The following XRCC3 variants were observed in gnomAD, a reference collection of about 807,000 sequenced individuals.
The protein encoded by XRCC3 is DNA repair protein XRCC3.
Under a neutral mutation model 29.2 loss-of-function variants are expected in XRCC3, and 34 were observed. The observed-to-expected ratio is 1.16, with a 90% CI of 0.88 to 1.55. The LOEUF (loss-of-function observed/expected upper bound fraction) is 1.55, where lower values mean the gene tolerates loss of function less well. Ranked by LOEUF, XRCC3 falls within the 40% of genes most tolerant of loss-of-function variation. The pLI is 0.00. For missense variants in XRCC3, 463 were observed against 467.6 expected (o/e 0.99, Z 0.09); for synonymous variants, 223 against 211.3 (o/e 1.06, Z -0.48).
chr14:103,711,072 G>A lies in XRCC3; in HGVS notation c.16C>T (p.Leu6=), dbSNP rs2083610416. The A allele has an allele frequency of 1.2e-6, 2 of 1,614,158 alleles. No individual in the cohort carries two copies. The highest frequency in any genetic ancestry group is 1.7e-6 in the Non-Finnish European group (2 of 1,180,020). ...GCAATAATTCTGGGATTCAGGTCCA[G>A]TAGATCCAAATCCATTTTGTCGGTG... is the stretch of plus-strand genomic sequence containing the variant. The part of the protein sequence containing the change: MDLDL[L]DLNPRIIAAI... The change falls in exon 4 of 10, where the codon CTG becomes TTG. Residue 6 remains leucine (L), a synonymous_variant. Coordinates refer to ENST00000555055, the MANE Select transcript of XRCC3 (RefSeq NM_005432.4).
rs3212085 is a variant in XRCC3, at chr14:103,703,510, G to A, written c.407-183C>T. The A allele has an allele frequency of 3.8e-3, 2,655 of 694,528 alleles. 75 individuals are homozygous for A. The Admixed American group carries it at 0.049, about 13-fold the overall frequency. 43.0% of individuals were successfully genotyped at this position (694,528 alleles called of 1,614,324 possible). A position where few individuals can be genotyped will look rare whatever the true frequency, so the allele number is the denominator to read the frequency against. On this transcript the variant is annotated intron_variant, in intron 6 of 9. Coordinates refer to ENST00000555055, the MANE Select transcript of XRCC3 (RefSeq NM_005432.4). ...CACCCTCCCACTGGCAGCCACCTCC[G>A]GGGCCAGGTGACCCCTCAGGAGGAA...
chr14:103,703,339 G>A lies in XRCC3; in HGVS notation c.407-12C>T, dbSNP rs1271275394. The A allele has an allele frequency of 7.1e-6, 11 of 1,544,340 alleles. No individual in the cohort carries two copies. The Admixed American group carries it at 2.1e-4, about 30-fold the overall frequency. On this transcript the variant is annotated splice_polypyrimidine_tract_variant and intron_variant, in intron 6 of 9. Coordinates refer to ENST00000555055, the MANE Select transcript of XRCC3 (RefSeq NM_005432.4). The stretch of plus-strand genomic sequence containing the variant: ...GATGTAGACGGCTCCTGGGAAGCAA[G>A]AGTGCCTGATGTGCCCAGGGGACTC...
At position 103,708,602 on chromosome 14, in the gene XRCC3, A is replaced by T; in HGVS notation, c.113T>A (p.Leu38Gln). Reference sequence around the variant, plus strand: ...GACCTCGGGGCTGGAGAGGTTGGTCAGTCTCTTCAAGTCTGGTCCAGAAAA... The same window carrying T: ...GACCTCGGGGCTGGAGAGGTTGGTCTGTCTCTTCAAGTCTGGTCCAGAAAA... ...LHFSGPDLKR[L>Q]TNLSSPEVWH... The change falls in exon 5 of 10, where the codon CTG becomes CAG. Residue 38 changes from leucine to glutamine, a missense_variant. Physicochemically the swap from Leu to Gln is moderately radical, Grantham distance 113. Coordinates refer to ENST00000555055, the MANE Select transcript of XRCC3 (RefSeq NM_005432.4). 6.2e-7 allele frequency: 1 copy of T among 1,614,226 alleles called. No homozygotes were observed. Among genetic ancestry groups the T allele is most frequent in the Non-Finnish European group, 8.5e-7 (1 of 1,180,028 alleles).
At chr14:103,704,986 A>G (rs1419878158) in intron 6 of XRCC3, 2 of 152,180 alleles carry the variant, frequency 1.3e-5, no homozygotes, top group Non-Finnish European at 2.9e-5. Flanking sequence ...CGTGTCATGC[A>G]GCCTGTTTGT....
rs376249796 is a variant in XRCC3, at chr14:103,707,600, A to G, written c.194-385T>C. On this transcript the variant is annotated intron_variant, in intron 5 of 9. Transcript: ENST00000555055. The stretch of plus-strand genomic sequence containing the variant: ...GCCCTGGGGTGCTGAACAGTTCTCA[A>G]GCGGCTTTAATGGGCTCCCGCAGGC... 130 of 361,804 alleles carry G rather than the reference A, an allele frequency of 3.6e-4. 1 individual carries two copies. The highest frequency in any genetic ancestry group is 2.5e-3 in the African/African-American group (118 of 47,716). The allele number at this position is 361,804 out of a possible 1,614,324, so 22.4% of individuals were successfully genotyped here.
intron 5 of XRCC3, 200 bp from the exon 6 acceptor site, chr14:103,707,415 G>A: frequency 1.5e-6 from 1 of 663,764 alleles, no homozygotes; most frequent in Admixed American, 2.3e-5. Flanking sequence ...GAGATGCAGA[G>A]TCAGGGGGAG....
chr14:103,701,060 A>G (rs2083156930), intron 7 of XRCC3: 4 of 1,045,338 alleles, frequency 3.8e-6, no homozygotes, highest in Non-Finnish European at 5.7e-6. Flanking sequence ...CCTCGGCCCC[A>G]GGGAGGCTCA....
rs2083466799 is a variant in XRCC3 at position 103,707,225 on chromosome 14, A to G, written c.194-10T>C. 1 of 1,548,448 alleles carries G rather than the reference A, an allele frequency of 6.5e-7. No individual in the cohort carries two copies. The highest frequency in any genetic ancestry group is 8.7e-7 in the Non-Finnish European group (1 of 1,146,640). On this transcript the variant is annotated splice_polypyrimidine_tract_variant and intron_variant, in intron 5 of 9. Coordinates refer to ENST00000555055, the MANE Select transcript of XRCC3 (RefSeq NM_005432.4). ...TGGTGCAGCTGCAGTGCTAAAGGGC[A>G]GGGATAGTGTCAGGCCTGACTCTCC...
At position 103,699,032 on chromosome 14, in the gene XRCC3, G is replaced by A. The variant is rs1243842718; in HGVS notation, c.822-15C>T. The A allele has an allele frequency of 6.3e-7, 1 of 1,575,652 alleles. No individual in the cohort carries two copies. Among genetic ancestry groups the A allele is most frequent in the Non-Finnish European group, 8.6e-7 (1 of 1,160,388 alleles). On this transcript the variant is annotated splice_polypyrimidine_tract_variant and intron_variant, in intron 9 of 9. Coordinates refer to ENST00000555055, the MANE Select transcript of XRCC3 (RefSeq NM_005432.4). ...CGTCCCAGAACCTGAGAAACAGGAAGCAGGCAAGCTGGCGCTCAGGCTTGG... is the reference window on the plus strand; with the variant it reads ...CGTCCCAGAACCTGAGAAACAGGAAACAGGCAAGCTGGCGCTCAGGCTTGG...
chr14:103,699,428 G>T lies in XRCC3; in HGVS notation c.710C>A (p.Ser237Tyr), dbSNP rs2082913844. The change falls in exon 8 of 10, where the codon TCC (serine) becomes TAC (tyrosine). Residue 237 changes from serine (S) to tyrosine (Y), a missense_variant. Ser to Tyr is a moderately radical substitution (Grantham distance 144, BLOSUM62 -2). Transcript: ENST00000555055. ...CAGCTCACGCAGCGTGGCCCCCAGG[G>T]ACTGCAGATGCCTGGCCCTGGGGGC... ...ASAPRARHLQ[S>Y]LGATLRELSS... is the part of the protein sequence containing the mutation. 6.2e-7 allele frequency: 1 copy of T among 1,612,806 alleles called. No individual in the cohort carries two copies. The highest frequency in any genetic ancestry group is 1.1e-5 in the South Asian group (1 of 91,048).
At chr14:103,715,339 CT>C (rs1307499855) in intron 1 of XRCC3, 84 bp downstream of exon 1, 1 of 152,384 alleles carries the variant, frequency 6.6e-6, no homozygotes, top group African/African-American at 2.4e-5. Flanking sequence ...TGCCTCACCC[CT>C]CACGCCCGCT....
rs941614548 is a variant in XRCC3 at position 103,706,899 on chromosome 14, A to T, written c.406+104T>A. ...AGAAGGAGGGAGACGCAATGGTAGG[A>T]ACAGCGCAAGAGGCGGCCACTGCCC... On this transcript the variant is annotated intron_variant, in intron 6 of 9. Transcript: ENST00000555055. The T allele has an allele frequency of 3.9e-6, 5 of 1,267,608 alleles. No individual in the cohort carries two copies. The African/African-American group carries it at 5.9e-5, about 15-fold the overall frequency. 78.5% of individuals were successfully genotyped at this position (1,267,608 alleles called of 1,614,324 possible). A position where few individuals can be genotyped will look rare whatever the true frequency, so the allele number is the denominator to read the frequency against.
intron 6 of XRCC3, chr14:103,705,657 G>C (rs1450808937): frequency 6.5e-6 from 1 of 152,808 alleles, no homozygotes; most frequent in Non-Finnish European, 1.5e-5. Context: ...GCTGGACTGT[G>C]CTGTCATCCC....
intron 1 of XRCC3, chr14:103,714,003 C>T (rs546991686): frequency 6.6e-6 from 1 of 152,362 alleles, no homozygotes; most frequent in East Asian, 1.9e-4. Flanking sequence ...TCACGCTCTC[C>T]ACTGCTACCA....
At chr14:103,702,986 G>C in intron 7 of XRCC3, 187 bp downstream of exon 7, 1 of 862,808 alleles carries the variant, frequency 1.2e-6, no homozygotes, top group South Asian at 1.7e-5. Flanking sequence ...GTTCCTCTCA[G>C]TCACTCTCCA....
At chr14:103,710,955 G>A in intron 4 of XRCC3, 78 bp downstream of exon 4, 1 of 1,471,906 alleles carries the variant, frequency 6.8e-7, no homozygotes, top group Admixed American at 1.7e-5. Flanking sequence ...GGCTTAGCCA[G>A]CCAGCGTTTT....
rs1317879263 is a variant in XRCC3, at chr14:103,707,079, C to T, written c.330G>A (p.Ser110=). Residue 110 remains serine (S), a synonymous_variant, in exon 6 of 10, where the codon TCG becomes TCA. Coordinates refer to ENST00000555055, the MANE Select transcript of XRCC3 (RefSeq NM_005432.4). Reference sequence around the variant, plus strand: ...GCAGCGCCAGCTGGGTCTTCCCTGCCGAGCTGCGTCCGGCCAGCTCAGTGA... The same window carrying T: ...GCAGCGCCAGCTGGGTCTTCCCTGCTGAGCTGCGTCCGGCCAGCTCAGTGA... The part of the protein sequence containing the change: ...DGITELAGRS[S]AGKTQLALQL... 5.1e-6 allele frequency: 8 copies of T among 1,559,352 alleles called. No individual in the cohort carries two copies. The highest frequency in any genetic ancestry group is 2.7e-5 in the African/African-American group (2 of 73,518).
At position 103,699,492 on chromosome 14, in the gene XRCC3, C is replaced by T. The variant is rs771142980; in HGVS notation, c.646G>A (p.Ala216Thr). ...TCAAATTCACAGCGGAATGGGGCTGCCACCGAGTCGATGACCACCAGGCGA... is the reference window on the plus strand; with the variant it reads ...TCAAATTCACAGCGGAATGGGGCTGTCACCGAGTCGATGACCACCAGGCGA... Reference protein sequence around the residue: ...MARLVVIDSVAAPFRCEFDSQ... With the variant: ...MARLVVIDSVTAPFRCEFDSQ... Residue 216 changes from alanine (A) to threonine (T), a missense_variant, in exon 8 of 10, where the codon GCA (alanine) becomes ACA (threonine). Ala to Thr is a moderately conservative substitution (Grantham distance 58). Transcript: ENST00000555055. The T allele has an allele frequency of 1.2e-6, 2 of 1,612,860 alleles. No individual in the cohort carries two copies. The highest frequency in any genetic ancestry group is 1.7e-6 in the Non-Finnish European group (2 of 1,179,960).
intron 5 of XRCC3, chr14:103,707,460 C>T (rs2083475270): frequency 1.7e-6 from 1 of 581,116 alleles, no homozygotes; most frequent in Non-Finnish European, 3.1e-6. Context: ...GCAGGGATCC[C>T]CCTATGGGGC....
Sources: gnomAD v4.1 joint callset for allele counts on GRCh38, gnomAD v4.1.1 for gene constraint, MANE v1.5 for transcripts, NCBI Gene and HGNC (gene_info 2026-07-23, HGNC 2026-07-21) for gene names.